The following WDFY1 variants were observed in gnomAD, a reference collection of about 807,000 sequenced individuals.
The protein encoded by WDFY1 is WD repeat and FYVE domain-containing protein 1.
In WDFY1, 32 loss-of-function variants were observed where a neutral mutation model predicts 56.4. That is an observed-to-expected ratio of 0.57 (90% CI 0.43 to 0.76). The LOEUF (loss-of-function observed/expected upper bound fraction) is 0.76. Ranked by LOEUF, WDFY1 falls within the 30% of genes least tolerant of loss-of-function variation. WDFY1 has a pLI of 0.00. For synonymous variants in WDFY1, 192 were observed against 197.3 expected (o/e 0.97, Z 0.23); for missense variants, 480 against 545.7 (o/e 0.88, Z 1.20).
chr2:223,914,832 T>C (rs571274133), intron 2 of WDFY1, among the ~76,000 whole-genome samples: 3 of 152,280 alleles, frequency 2.0e-5, no homozygotes, highest in African/African-American at 7.2e-5. Flanking sequence ...AAGCCAAGAG[T>C]TACCATTTTT....
At chr2:223,899,390 G>A (rs1444799377) in intron 5 of WDFY1, 1 of 255,648 alleles carries the variant, frequency 3.9e-6, no homozygotes, top group Non-Finnish European at 7.6e-6. Context: ...AGCTGGTAGG[G>A]CAGACACACA....
chr2:223,881,911 G>C, intron 10 of WDFY1, 31 bp downstream of exon 10: 6 of 1,610,874 alleles, frequency 3.7e-6, no homozygotes, highest in African/African-American at 1.3e-5. Flanking sequence ...TGTAATAAGA[G>C]GCAATGAGAC....
intron 1 of WDFY1, among the ~76,000 whole-genome samples, chr2:223,924,986 A>C (rs1693953914): frequency 6.6e-6 from 1 of 152,222 alleles, no homozygotes; most frequent in South Asian, 2.1e-4. Context: ...AAGGAATTCC[A>C]GGCTTGGAAA....
chr2:223,922,195 G>A (rs578055215), intron 1 of WDFY1, among the ~76,000 whole-genome samples: 3 of 152,290 alleles, frequency 2.0e-5, no homozygotes, highest in African/African-American at 7.2e-5. Flanking sequence ...CTTCTCTCCA[G>A]ACAGTGTTTT....
chr2:223,931,436 G>A (rs1331970272), intron 1 of WDFY1, among the ~76,000 whole-genome samples: 2 of 152,168 alleles, frequency 1.3e-5, no homozygotes, highest in African/African-American at 2.4e-5. Flanking sequence ...TTGATCTGCT[G>A]AAAGATATGC....
intron 4 of WDFY1, among the ~76,000 whole-genome samples, chr2:223,902,211 G>A (rs1389383820): frequency 6.6e-6 from 1 of 152,218 alleles, no homozygotes; most frequent in Non-Finnish European, 1.5e-5. Flanking sequence ...AGGTTACACT[G>A]AACAATTAAA....
At position 223,877,464 on chromosome 2, in the gene WDFY1, T is replaced by C. The variant is rs1692990696; in HGVS notation, c.*1207A>G. 1 of 152,136 alleles carries C rather than the reference T, an allele frequency of 6.6e-6. No individual in the cohort carries two copies. Among genetic ancestry groups the C allele is most frequent in the Admixed American group, 6.6e-5 (1 of 15,266 alleles). The allele number at this position is 152,136 out of a possible 1,614,324, so 9.4% of individuals were successfully genotyped here. A position where few individuals can be genotyped will look rare whatever the true frequency, so the allele number is the denominator to read the frequency against. On this transcript the variant is annotated 3_prime_UTR_variant, in exon 12 of 12. Coordinates refer to ENST00000233055, the MANE Select transcript of WDFY1 (RefSeq NM_020830.5). ...TGTCAAAAAAAATCAAACACACAAA[T>C]ACTGGAATATTAAAAGACAGGCTCC...
At chr2:223,935,449 G>A (rs898144092) in intron 1 of WDFY1, among the ~76,000 whole-genome samples, 1 of 152,226 alleles carries the variant, frequency 6.6e-6, no homozygotes, top group Non-Finnish European at 1.5e-5. Context: ...TGCTAATAAT[G>A]TCTTAACAAC....
At chr2:223,922,359 T>C (rs909624406) in intron 1 of WDFY1, among the ~76,000 whole-genome samples, 1 of 152,222 alleles carries the variant, frequency 6.6e-6, no homozygotes, top group African/African-American at 2.4e-5. Flanking sequence ...AATCAGAATG[T>C]TTATGGATAC....
At chr2:223,900,099 A>G (rs2106081694) in intron 5 of WDFY1, among the ~76,000 whole-genome samples, 1 of 152,348 alleles carries the variant, frequency 6.6e-6, no homozygotes, top group South Asian at 2.1e-4. Flanking sequence ...TATACACGAC[A>G]TGTTAACTAC....
Position 223,878,733 on chromosome 2 carries a change from A to G in WDFY1, c.1174-3T>C. ...ACCACAGGTGTCATGTCCCAGATCTACAAGGAAGGAAGAAACGCAGAAAAG... is the reference window on the plus strand; with the variant it reads ...ACCACAGGTGTCATGTCCCAGATCTGCAAGGAAGGAAGAAACGCAGAAAAG... On this transcript the variant is annotated splice_polypyrimidine_tract_variant and splice_region_variant and intron_variant, in intron 11 of 11. Coordinates refer to ENST00000233055, the MANE Select transcript of WDFY1 (RefSeq NM_020830.5). The G allele has an allele frequency of 6.2e-7, 1 of 1,614,118 alleles. No individual in the cohort carries two copies. The highest frequency in any genetic ancestry group is 8.5e-7 in the Non-Finnish European group (1 of 1,179,980).
intron 9 of WDFY1, 88 bp downstream of exon 9, chr2:223,884,560 A>C: frequency 7.8e-7 from 1 of 1,277,622 alleles, no homozygotes; most frequent in Non-Finnish European, 1.1e-6. Context: ...TTGCAAAAAC[A>C]AAGTGTGTTT....
In WDFY1 at chr2:223,896,285, GCTA is replaced by G. The variant is rs545646171; in HGVS notation, c.599-658_599-656del. Among the ~76,000 whole-genome samples, 10 of 150,006 alleles carry G rather than the reference GCTA, an allele frequency of 6.7e-5. No homozygotes were observed. The South Asian group carries it at 2.1e-3, about 32-fold the overall frequency. Reference sequence around the variant, plus strand: ...AATGTTCAGAATGAAGAAAAAAATTGCTACTAATATTTAGTGACAAAAACCAGT... The same window carrying G: ...AATGTTCAGAATGAAGAAAAAAATTGCTAATATTTAGTGACAAAAACCAGT... On this transcript the variant is annotated intron_variant, in intron 6 of 11. Coordinates refer to ENST00000233055, the MANE Select transcript of WDFY1 (RefSeq NM_020830.5).
chr2:223,942,042 A>C lies in WDFY1; in HGVS notation c.137+3106T>G, dbSNP rs372057585. On this transcript the variant is annotated intron_variant, in intron 1 of 11. Coordinates refer to ENST00000233055, the MANE Select transcript of WDFY1 (RefSeq NM_020830.5). ...CTGGGCTCTGCAATAACAGTGGTGC[A>C]CGAGTGAAAAAGTGAGCAGATGCAA... 7.2e-5 allele frequency among the ~76,000 whole-genome samples: 11 copies of C among 152,328 alleles called. No individual in the cohort carries two copies. In the East Asian group the frequency reaches 1.5e-3, roughly 21 times the overall value.
Position 223,894,316 on chromosome 2 carries a change from T to C in WDFY1, c.749A>G (p.Tyr250Cys), listed in dbSNP as rs1232779279. Residue 250 changes from tyrosine (Y) to cysteine (C), a missense_variant, in exon 8 of 12, where the codon TAC becomes TGC. Physicochemically the swap from Tyr to Cys is radical, Grantham distance 194 (BLOSUM62 -2). Transcript: ENST00000233055. ...GACGAGCTGCCTGGTGAGCTGAAGG[T>C]AGCACAGCGACTGCACCTTGTCACT... Reference protein sequence around the residue: ...GHHDKVQSLCYLQLTRQLVSC... With the variant: ...GHHDKVQSLCCLQLTRQLVSC... 3.7e-6 allele frequency: 6 copies of C among 1,614,032 alleles called. No individual in the cohort carries two copies. The highest frequency in any genetic ancestry group is 5.1e-6 in the Non-Finnish European group (6 of 1,180,010).
chr2:223,922,358 G>A (rs1196533900), intron 1 of WDFY1, among the ~76,000 whole-genome samples: 1 of 152,210 alleles, frequency 6.6e-6, no homozygotes, highest in African/African-American at 2.4e-5. Context: ...AAATCAGAAT[G>A]TTTATGGATA....
chr2:223,883,888 C>T (rs1693119892), intron 9 of WDFY1, among the ~76,000 whole-genome samples: 1 of 152,152 alleles, frequency 6.6e-6, no homozygotes, highest in Non-Finnish European at 1.5e-5. Context: ...TCGGGTGATC[C>T]ACCTGCCTCG....
intron 1 of WDFY1, among the ~76,000 whole-genome samples, chr2:223,942,959 G>C (rs1418298689): frequency 6.6e-6 from 1 of 150,510 alleles, no homozygotes; most frequent in Non-Finnish European, 1.5e-5. Context: ...AAGGCGGGTG[G>C]ATCACGAGGT....
At chr2:223,899,094 T>C (rs772568231) in intron 5 of WDFY1, 24 bp from the exon 6 acceptor site, 5 of 1,598,352 alleles carry the variant, frequency 3.1e-6, no homozygotes, top group Non-Finnish European at 4.3e-6. Context: ...GTCAAGGATG[T>C]AGAACAGAAA....
Sources: allele counts gnomAD v4.1 joint callset (sites outside exome capture counted in the v4.1 genomes callset), GRCh38; gene constraint gnomAD v4.1.1; transcripts MANE v1.5; gene names NCBI Gene and HGNC (gene_info 2026-07-23, HGNC 2026-07-21).